ANKRD30B: variants seen among roughly 807,000 people sequenced by gnomAD.
ANKRD30B encodes ankyrin repeat domain-containing protein 30B.
Under a neutral mutation model 202.2 loss-of-function variants are expected in ANKRD30B, and 144 were observed. The ratio of observed to expected loss-of-function variants is 0.71; its 90% CI spans 0.62 to 0.82. ANKRD30B has a LOEUF of 0.82. Among genes scored for constraint, ANKRD30B ranks in the 40% least tolerant of loss-of-function variants. The pLI, the probability that ANKRD30B is intolerant of heterozygous loss-of-function variation, is 0.00. For synonymous variants in ANKRD30B, 508 were observed against 561.3 expected, an observed-to-expected ratio of 0.91 and a Z score of 1.34; for missense variants, 1,487 against 1,669.1, an observed-to-expected ratio of 0.89 and a Z score of 1.90.
chr18:14,774,859 G>A (rs947771772), intron 9 of ANKRD30B, among the ~76,000 whole-genome samples: 9 of 151,890 alleles, frequency 5.9e-5, no homozygotes, highest in African/African-American at 2.2e-4. Context: ...CAGGTGTGGT[G>A]GCTCATGCCT....
chr18:14,925,635 C>T, the ANKRD30B span, among the ~76,000 whole-genome samples: 6 of 152,356 alleles, frequency 3.9e-5, no homozygotes, highest in Non-Finnish European at 8.8e-5. Flanking sequence ...GTATTCGGCC[C>T]TGGCCTGGCT....
At chr18:14,887,671 G>A in the ANKRD30B span, among the ~76,000 whole-genome samples, 1 of 151,884 alleles carries the variant, frequency 6.6e-6, no homozygotes, top group Non-Finnish European at 1.5e-5. Context: ...AGTTGAGCCA[G>A]ACAGTTTTGT....
At position 14,748,568 on chromosome 18, in the gene ANKRD30B, A is replaced by C; in HGVS notation, c.149A>C (p.Gln50Pro). Reference protein sequence around the residue: ...GKIHTAASRGQVQKLEKMTVG... With the variant: ...GKIHTAASRGPVQKLEKMTVG... ...ATCCATACAGCTGCCTCCCGGGGCC[A>C]AGTCCAGAAGCTGGAGAAGATGACA... is the stretch of plus-strand genomic sequence containing the variant. The change falls in exon 1 of 44, where the codon CAA (glutamine) becomes CCA (proline). Residue 50 changes from glutamine (Q) to proline (P), a missense_variant. By Grantham distance (76) the Gln-to-Pro change is moderately conservative (BLOSUM62 -1). Around this residue, in one of 6 missense-constraint regions of ANKRD30B, gnomAD observed 889 missense variants for 841.4 expected, o/e 1.06. Coordinates refer to ENST00000690538, the MANE Select transcript of ANKRD30B (RefSeq NM_001367607.2). 4 of 1,561,904 alleles carry C rather than the reference A, an allele frequency of 2.6e-6. No homozygotes were observed. The South Asian group carries it at 4.7e-5, about 18-fold the overall frequency.
chr18:14,798,690 C>G (rs1450339189), intron 20 of ANKRD30B, among the ~76,000 whole-genome samples: 3 of 152,128 alleles, frequency 2.0e-5, no homozygotes, highest in East Asian at 1.9e-4. Flanking sequence ...GGGTAGCATT[C>G]CATTCCCAGA....
At chr18:14,933,680 A>C in the ANKRD30B span, among the ~76,000 whole-genome samples, 1 of 152,104 alleles carries the variant, frequency 6.6e-6, no homozygotes, top group African/African-American at 2.4e-5. Context: ...GTGTGCTTGA[A>C]GGGCAGGAAA....
intron 4 of ANKRD30B, among the ~76,000 whole-genome samples, chr18:14,757,459 A>C (rs1420308126): frequency 2.0e-5 from 3 of 152,218 alleles, no homozygotes; most frequent in African/African-American, 7.2e-5. Context: ...TTAAGCCTTC[A>C]GATTGCTCTC....
chr18:14,820,988 G>T (rs1970385414), intron 30 of ANKRD30B, among the ~76,000 whole-genome samples: 1 of 152,108 alleles, frequency 6.6e-6, no homozygotes, highest in Non-Finnish European at 1.5e-5. Flanking sequence ...GAATCCATCT[G>T]GTCCTGGACT....
At chr18:14,762,710 A>G (rs1196221926) in intron 6 of ANKRD30B, among the ~76,000 whole-genome samples, 2 of 152,228 alleles carry the variant, frequency 1.3e-5, no homozygotes, top group Non-Finnish European at 2.9e-5. Context: ...TTATAAAAAA[A>G]TTACAAAAAC....
rs774373338 is a variant in ANKRD30B, at chr18:14,831,442, A to G, written c.2834A>G (p.Asn945Ser). Residue 945 changes from asparagine to serine, a missense_variant, in exon 34 of 44, where the codon AAT becomes AGT. Physicochemically the swap from Asn to Ser is conservative, Grantham distance 46. Transcript: ENST00000690538. ...TCTACAAAAGTTGAGGAAGACTTTA[A>G]TCTTACTACCAAGGTAAAATAGTCT... Reference protein sequence around the residue: ...SQSTKVEEDFNLTTKEGATKT... With the variant: ...SQSTKVEEDFSLTTKEGATKT... The G allele has an allele frequency of 1.1e-5, 17 of 1,531,246 alleles. No individual in the cohort carries two copies. The African/African-American group carries it at 2.2e-4, about 20-fold the overall frequency. 94.9% of individuals were successfully genotyped at this position (1,531,246 alleles called of 1,614,324 possible).
intron 9 of ANKRD30B, among the ~76,000 whole-genome samples, chr18:14,776,570 A>G (rs1967366789): frequency 6.6e-6 from 1 of 152,192 alleles, no homozygotes; most frequent in African/African-American, 2.4e-5. Context: ...ACTTAGAATG[A>G]CTAGCATGCA....
intron 39 of ANKRD30B, among the ~76,000 whole-genome samples, chr18:14,846,890 GA>G (rs1451284891): frequency 3.3e-5 from 5 of 151,534 alleles, no homozygotes; most frequent in African/African-American, 1.2e-4. Flanking sequence ...CCTTTGAGCA[GA>G]GGTTTTTAGA....
downstream of ANKRD30B, among the ~76,000 whole-genome samples, chr18:14,854,859 A>C: frequency 6.6e-6 from 1 of 151,672 alleles, no homozygotes; most frequent in East Asian, 1.9e-4. Context: ...ACACACACAC[A>C]CACACACACA....
chr18:14,846,320 A>G (rs1227831913), intron 39 of ANKRD30B, among the ~76,000 whole-genome samples: 2 of 152,008 alleles, frequency 1.3e-5, no homozygotes, highest in Admixed American at 1.3e-4. Flanking sequence ...GTGTTGTTTC[A>G]GGTACATTTT....
intron 4 of ANKRD30B, among the ~76,000 whole-genome samples, chr18:14,756,722 C>A (rs148982349): frequency 6.6e-6 from 1 of 152,104 alleles, no homozygotes; most frequent in African/African-American, 2.4e-5. Context: ...GGTAAAACCG[C>A]ATCTCTACTA....
chr18:14,805,301 T>G (rs1969439460), intron 24 of ANKRD30B, among the ~76,000 whole-genome samples: 1 of 150,978 alleles, frequency 6.6e-6, no homozygotes, highest in Non-Finnish European at 1.5e-5. Context: ...TTTTACTGAT[T>G]TTAACCTAGA....
intron 24 of ANKRD30B, among the ~76,000 whole-genome samples, chr18:14,806,002 C>T (rs1458059094): frequency 3.3e-5 from 5 of 150,350 alleles, no homozygotes; most frequent in South Asian, 2.1e-4. Context: ...GGGCAGATCA[C>T]GAGGTCAGGA....
the ANKRD30B span, among the ~76,000 whole-genome samples, chr18:14,934,935 CA>C: frequency 6.6e-6 from 1 of 151,194 alleles, no homozygotes; most frequent in African/African-American, 2.5e-5. Flanking sequence ...CACACACACA[CA>C]CACACACACA....
chr18:14,834,806 C>CA (rs1311878605), intron 34 of ANKRD30B, among the ~76,000 whole-genome samples: 1 of 151,780 alleles, frequency 6.6e-6, no homozygotes, highest in Non-Finnish European at 1.5e-5. Flanking sequence ...TATAGTGTGT[C>CA]AACAAAAAAA....
rs114903725 is a variant in ANKRD30B at position 14,779,281 on chromosome 18, A to G, written c.1421-679A>G. ...GAAATTTAGGTTACTTACAGCAATC[A>G]TTTTTCCTAGAAATGTCTAATGTTT... is the stretch of plus-strand genomic sequence containing the variant. On this transcript the variant is annotated intron_variant, in intron 10 of 43. Transcript: ENST00000690538. Among the ~76,000 whole-genome samples the G allele has an allele frequency of 3.5e-3, 530 of 152,254 alleles. 4 individuals are homozygous for G. Among genetic ancestry groups the G allele is most frequent in the African/African-American group, 0.011 (467 of 41,560 alleles).
Sources: gnomAD v4.1 joint callset for allele counts (sites outside exome capture counted in the v4.1 genomes callset) on GRCh38, gnomAD v4.1.1 for gene constraint, gnomAD v4.1.1 regional missense constraint, MANE v1.5 for transcripts, NCBI Gene and HGNC (gene_info 2026-07-23, HGNC 2026-07-21) for gene names.